Variants in ZNF804A observed in about 807,000 individuals in gnomAD.
The protein encoded by ZNF804A is zinc finger protein 804A.
Under a neutral mutation model 16.5 loss-of-function variants are expected in ZNF804A, and 2 were observed. That is an observed-to-expected ratio of 0.12 (90% CI 0.05 to 0.38). The LOEUF is 0.38. Among genes scored for constraint, ZNF804A ranks in the 10% least tolerant of loss-of-function variants. ZNF804A has a pLI of 0.99. For synonymous variants in ZNF804A, 534 were observed against 489.6 expected (o/e 1.09, Z -1.20); for missense variants, 1,473 against 1,390.7 (o/e 1.06, Z -0.94).
At chr2:184,921,903 G>A (rs1356916581) in intron 2 of ZNF804A, among the ~76,000 whole-genome samples, 1 of 152,058 alleles carries the variant, frequency 6.6e-6, no homozygotes, top group East Asian at 1.9e-4. Context: ...TTTCACTTAA[G>A]ACAGTGATCT....
In ZNF804A at chr2:184,937,903, T is replaced by C. The variant is rs922627790; in HGVS notation, c.2507T>C (p.Val836Ala). Reference sequence around the variant, plus strand: ...CTCAAAGAAAATACAGATTATCCCGTGAAAGACAATTCTTCCTTAAATCCT... The same window carrying C: ...CTCAAAGAAAATACAGATTATCCCGCGAAAGACAATTCTTCCTTAAATCCT... ...LELKENTDYP[V>A]KDNSSLNPLD... Residue 836 changes from valine to alanine, a missense_variant, in exon 4 of 4, where the codon GTG (valine) becomes GCG (alanine). Coordinates refer to ENST00000302277, the MANE Select transcript of ZNF804A (RefSeq NM_194250.2). 3.7e-6 allele frequency: 6 copies of C among 1,614,090 alleles called. No homozygotes were observed. Among genetic ancestry groups the C allele is most frequent in the Non-Finnish European group, 5.1e-6 (6 of 1,179,996 alleles).
At chr2:184,804,381 G>T (rs1203158655) in intron 1 of ZNF804A, among the ~76,000 whole-genome samples, 1 of 152,112 alleles carries the variant, frequency 6.6e-6, no homozygotes, top group East Asian at 1.9e-4. Flanking sequence ...TTAAGCATTT[G>T]GCAAATTGTG....
At chr2:184,867,837 T>G (rs902818559) in intron 2 of ZNF804A, among the ~76,000 whole-genome samples, 8 of 152,098 alleles carry the variant, frequency 5.3e-5, no homozygotes, top group African/African-American at 9.7e-5. Flanking sequence ...AGAAAGTCAT[T>G]CCTCTGATTT....
intron 2 of ZNF804A, among the ~76,000 whole-genome samples, chr2:184,897,948 C>T (rs1558996227): frequency 2.0e-5 from 3 of 152,084 alleles, no homozygotes; most frequent in Admixed American, 1.3e-4. Flanking sequence ...AATGTTAGTA[C>T]AAACCAAGAT....
At chr2:184,662,744 G>T (rs1692194202) in intron 1 of ZNF804A, among the ~76,000 whole-genome samples, 2 of 152,114 alleles carry the variant, frequency 1.3e-5, no homozygotes, top group African/African-American at 4.8e-5. Flanking sequence ...CTTAGGATCA[G>T]AACATATACA....
chr2:184,700,644 G>A (rs963947853), intron 1 of ZNF804A, among the ~76,000 whole-genome samples: 1 of 151,958 alleles, frequency 6.6e-6, no homozygotes, highest in African/African-American at 2.4e-5. Flanking sequence ...ACTAAAGACA[G>A]CAATCTGGAA....
At chr2:184,729,395 A>AT (rs916401998) in intron 1 of ZNF804A, among the ~76,000 whole-genome samples, 1 of 152,000 alleles carries the variant, frequency 6.6e-6, no homozygotes, top group African/African-American at 2.4e-5. Context: ...ATGATCTCCC[A>AT]TAAAAACATG....
At chr2:184,825,051 T>C (rs549338875) in intron 1 of ZNF804A, among the ~76,000 whole-genome samples, 5 of 152,260 alleles carry the variant, frequency 3.3e-5, no homozygotes, top group African/African-American at 1.2e-4. Flanking sequence ...AAATGTGAAA[T>C]TTTATTATGG....
chr2:184,841,821 G>C (rs1695440382), intron 1 of ZNF804A, among the ~76,000 whole-genome samples: 1 of 151,836 alleles, frequency 6.6e-6, no homozygotes, highest in African/African-American at 2.4e-5. Context: ...TACTCTTCTT[G>C]AGAGCAATGT....
chr2:184,844,842 TA>T (rs957928931), intron 1 of ZNF804A, among the ~76,000 whole-genome samples: 1 of 152,000 alleles, frequency 6.6e-6, no homozygotes, highest in African/African-American at 2.4e-5. Flanking sequence ...TTTGATATTC[TA>T]AATATACATA....
At chr2:184,609,410 G>C (rs1051587039) in intron 1 of ZNF804A, among the ~76,000 whole-genome samples, 5 of 152,194 alleles carry the variant, frequency 3.3e-5, no homozygotes, top group Admixed American at 2.6e-4. Flanking sequence ...ATTACTGCTA[G>C]TGCACAGACT....
rs550161559 is a variant in ZNF804A at position 184,790,223 on chromosome 2, G to A, written c.112-76146G>A. ...AACTTCATGTTTTTTTTGCTTTTTT[G>A]TTTTTTTGTTTTTTTTTTGAGACTT... On this transcript the variant is annotated intron_variant, in intron 1 of 3. Transcript: ENST00000302277. 4.7e-5 allele frequency among the ~76,000 whole-genome samples: 7 copies of A among 149,484 alleles called. No homozygotes were observed. The East Asian group carries it at 1.4e-3, about 29-fold the overall frequency.
intron 1 of ZNF804A, among the ~76,000 whole-genome samples, chr2:184,815,315 T>C (rs1694966073): frequency 6.6e-6 from 1 of 151,944 alleles, no homozygotes; most frequent in East Asian, 1.9e-4. Flanking sequence ...TCAAATAATA[T>C]GTACTAAAAA....
chr2:184,867,019 T>C (rs1055334375), intron 2 of ZNF804A, among the ~76,000 whole-genome samples: 1 of 151,848 alleles, frequency 6.6e-6, no homozygotes, highest in Non-Finnish European at 1.5e-5. Flanking sequence ...CAAATGGTCC[T>C]AGGTTATTGA....
chr2:184,858,850 G>A (rs942989422), intron 1 of ZNF804A, among the ~76,000 whole-genome samples: 1 of 152,100 alleles, frequency 6.6e-6, no homozygotes, highest in Non-Finnish European at 1.5e-5. Context: ...CAAGTCTAAT[G>A]ATAAGTTAAC....
intron 2 of ZNF804A, among the ~76,000 whole-genome samples, chr2:184,891,535 A>T (rs1376619003): frequency 6.6e-6 from 1 of 151,966 alleles, no homozygotes; most frequent in Non-Finnish European, 1.5e-5. Flanking sequence ...CAACATGTCT[A>T]TTTGACATAT....
intron 1 of ZNF804A, among the ~76,000 whole-genome samples, chr2:184,623,200 A>C (rs1047418699): frequency 6.6e-6 from 1 of 152,120 alleles, no homozygotes; most frequent in African/African-American, 2.4e-5. Flanking sequence ...ATAAGAAAAT[A>C]ATAAAGTTAA....
At chr2:184,831,350 A>ACC (rs1420731488) in intron 1 of ZNF804A, among the ~76,000 whole-genome samples, 1 of 151,718 alleles carries the variant, frequency 6.6e-6, no homozygotes, top group African/African-American at 2.4e-5. Flanking sequence ...TGCTCATGTG[A>ACC]TTTAATCACT....
intron 1 of ZNF804A, among the ~76,000 whole-genome samples, chr2:184,693,649 T>C (rs1040938288): frequency 3.3e-5 from 5 of 152,230 alleles, no homozygotes. Context: ...TATTTAAATT[T>C]AAATCCACTT....
Sources: allele counts gnomAD v4.1 joint callset (sites outside exome capture counted in the v4.1 genomes callset), GRCh38; gene constraint gnomAD v4.1.1; transcripts MANE v1.5; gene names NCBI Gene and HGNC (gene_info 2026-07-23, HGNC 2026-07-21).